BBS9: variants seen among roughly 807,000 people sequenced by gnomAD.
BBS9 encodes the protein Bardet-Biedl syndrome 9, also known as protein PTHB1.
A neutral mutation model predicts 117.7 loss-of-function variants in BBS9; 89 were observed. The observed-to-expected ratio is 0.76, with a 90% CI of 0.64 to 0.90. BBS9 has a LOEUF of 0.90. Among genes scored for constraint, BBS9 ranks in the 40% least tolerant of loss-of-function variants. The probability of loss-of-function intolerance (pLI) is 0.00; values close to 1 mark genes in which losing one functional copy is unlikely to be tolerated. For missense variants in BBS9, 982 were observed against 1,042.2 expected, an observed-to-expected ratio of 0.94 and a Z score of 0.80; for synonymous variants, 379 against 370.9, an observed-to-expected ratio of 1.02 and a Z score of -0.25.
intron 20 of BBS9, among the ~76,000 whole-genome samples, chr7:33,524,570 G>A (rs1423288405): frequency 6.6e-6 from 1 of 152,142 alleles, no homozygotes. Flanking sequence ...ATGGTAGTTT[G>A]CATTTCTGTG....
intron 7 of BBS9, 129 bp downstream of exon 7, chr7:33,264,503 T>G: frequency 1.8e-6 from 1 of 541,080 alleles, no homozygotes; most frequent in Non-Finnish European, 3.2e-6. Context: ...ATATTATGGT[T>G]ATATTAATGA....
intron 9 of BBS9, among the ~76,000 whole-genome samples, chr7:33,303,987 G>A (rs1807183999): frequency 6.6e-6 from 1 of 151,810 alleles, no homozygotes; most frequent in Non-Finnish European, 1.5e-5. Context: ...GATGTGAGGA[G>A]CCCCTCTGCC....
intron 19 of BBS9, among the ~76,000 whole-genome samples, chr7:33,430,785 G>A (rs894500127): frequency 2.0e-5 from 3 of 152,144 alleles, no homozygotes; most frequent in Non-Finnish European, 2.9e-5. Context: ...TAAGAAATAG[G>A]GCATGTCTGC....
intron 5 of BBS9, among the ~76,000 whole-genome samples, chr7:33,188,384 A>C (rs1419523475): frequency 6.6e-6 from 1 of 152,146 alleles, no homozygotes; most frequent in African/African-American, 2.4e-5. Context: ...AAACCTTGCC[A>C]TTTTTAGGCT....
At chr7:33,170,042 A>T (rs1336509343) in intron 4 of BBS9, among the ~76,000 whole-genome samples, 1 of 152,120 alleles carries the variant, frequency 6.6e-6, no homozygotes, top group Non-Finnish European at 1.5e-5. Flanking sequence ...AACTGGTACC[A>T]TTCCTTCTGA....
chr7:33,204,110 A>G (rs990058523), intron 5 of BBS9, among the ~76,000 whole-genome samples: 5 of 150,962 alleles, frequency 3.3e-5, no homozygotes, highest in African/African-American at 1.2e-4. Flanking sequence ...TGGATGATTA[A>G]AAGATATTTT....
intron 1 of BBS9, among the ~76,000 whole-genome samples, chr7:33,135,177 C>T (rs936700693): frequency 4.6e-5 from 7 of 152,220 alleles, no homozygotes; most frequent in African/African-American, 1.7e-4. Context: ...CAGGCATTAG[C>T]CACCATGCCT....
chr7:33,517,520 C>T (rs1213570391), intron 20 of BBS9, among the ~76,000 whole-genome samples: 1 of 152,196 alleles, frequency 6.6e-6, no homozygotes, highest in African/African-American at 2.4e-5. Flanking sequence ...CACCATCCTC[C>T]AGAGTTCTCT....
At chr7:33,224,389 T>C (rs1790845252) in intron 5 of BBS9, among the ~76,000 whole-genome samples, 1 of 152,220 alleles carries the variant, frequency 6.6e-6, no homozygotes, top group Non-Finnish European at 1.5e-5. Context: ...CTGTCTGTTG[T>C]GTTTATATGA....
At position 33,565,843 on chromosome 7, in the gene BBS9, C is replaced by A. The variant is rs59206629; in HGVS notation, c.2521+31667C>A. On this transcript the variant is annotated intron_variant, in intron 21 of 22. Transcript: ENST00000242067. ...TATATATATACCGCTATATATACTG[C>A]TTATATATATATATATATATATATA... 4.7e-4 allele frequency among the ~76,000 whole-genome samples: 16 copies of A among 34,030 alleles called. No individual in the cohort carries two copies. In the South Asian group the frequency reaches 5.4e-3, roughly 11 times the overall value. The allele number at this position is 34,030 out of a possible 152,430, so 22.3% of individuals were successfully genotyped here. A position where few individuals can be genotyped will look rare whatever the true frequency, so the allele number is the denominator to read the frequency against.
intron 9 of BBS9, among the ~76,000 whole-genome samples, chr7:33,284,307 T>G (rs184895713): frequency 6.6e-6 from 1 of 152,328 alleles, no homozygotes; most frequent in East Asian, 1.9e-4. Context: ...GTTATTGTAG[T>G]ACTTTCTGCT....
intron 3 of BBS9, among the ~76,000 whole-genome samples, chr7:33,153,390 C>G (rs1056505887): frequency 4.6e-5 from 7 of 152,124 alleles, no homozygotes; most frequent in African/African-American, 1.7e-4. Context: ...TTAGTTTGAA[C>G]TTTGGGTAAT....
intron 5 of BBS9, among the ~76,000 whole-genome samples, chr7:33,204,622 A>G (rs1786558186): frequency 6.6e-6 from 1 of 152,086 alleles, no homozygotes; most frequent in African/African-American, 2.4e-5. Flanking sequence ...CATTCAGATG[A>G]AAACCTCTCA....
intron 22 of BBS9, 100 bp from the exon 23 acceptor site, chr7:33,605,095 T>C: frequency 3.4e-6 from 5 of 1,467,982 alleles, no homozygotes; most frequent in Non-Finnish European, 4.8e-6. Flanking sequence ...TTCTTCATTC[T>C]TCCCCTTAGC....
chr7:33,272,975 G>A (rs1181454095), intron 7 of BBS9, 37 bp from the exon 8 acceptor site: 4 of 1,605,462 alleles, frequency 2.5e-6, no homozygotes, highest in Non-Finnish European at 3.4e-6. Flanking sequence ...ATTTTCTGAG[G>A]TTAGCAACTA....
At chr7:33,193,770 G>A (rs1259311562) in intron 5 of BBS9, among the ~76,000 whole-genome samples, 4 of 152,106 alleles carry the variant, frequency 2.6e-5, no homozygotes, top group Non-Finnish European at 2.9e-5. Context: ...TTGAATTACT[G>A]TCACACTACC....
intron 19 of BBS9, among the ~76,000 whole-genome samples, chr7:33,450,664 A>G (rs1837672531): frequency 6.6e-6 from 1 of 152,232 alleles, no homozygotes; most frequent in East Asian, 1.9e-4. Context: ...GGCCATTTGC[A>G]TGTTTTCTTT....
intron 19 of BBS9, among the ~76,000 whole-genome samples, chr7:33,455,861 A>G (rs1838588604): frequency 6.6e-6 from 1 of 152,228 alleles, no homozygotes; most frequent in African/African-American, 2.4e-5. Flanking sequence ...TTGGCCCAAC[A>G]TATTGTTACG....
At chr7:33,489,668 T>C (rs1042619733) in intron 19 of BBS9, among the ~76,000 whole-genome samples, 2 of 152,130 alleles carry the variant, frequency 1.3e-5, no homozygotes, top group Non-Finnish European at 2.9e-5. Flanking sequence ...TTTCTGAAGA[T>C]TGCTAAACAC....
Sources: allele counts gnomAD v4.1 joint callset (sites outside exome capture counted in the v4.1 genomes callset), GRCh38; gene constraint gnomAD v4.1.1; transcripts MANE v1.5; gene names NCBI Gene and HGNC (gene_info 2026-07-23, HGNC 2026-07-21).